Variants in SLC8A1 observed in about 807,000 individuals in gnomAD.
SLC8A1 encodes sodium/calcium exchanger 1.
Under a neutral mutation model 68.3 loss-of-function variants are expected in SLC8A1, and 18 were observed. That is an observed-to-expected ratio of 0.26 (90% confidence interval 0.18 to 0.39). The LOEUF (loss-of-function observed/expected upper bound fraction) is 0.39, where lower values mean the gene tolerates loss of function less well. Among genes scored for constraint, SLC8A1 ranks in the 10% least tolerant of loss-of-function variants. The pLI, the probability that SLC8A1 is intolerant of heterozygous loss-of-function variation, is 1.00. For missense variants in SLC8A1, 985 were observed against 1,156.7 expected, an observed-to-expected ratio of 0.85 and a Z score of 2.15; for synonymous variants, 475 against 415.5, an observed-to-expected ratio of 1.14 and a Z score of -1.74.
At chr2:40,297,984 GTTC>G (rs1434708381) in intron 2 of SLC8A1, among the ~76,000 whole-genome samples, 2 of 152,152 alleles carry the variant, frequency 1.3e-5, no homozygotes, top group Non-Finnish European at 2.9e-5. Flanking sequence ...CGTTCAAACC[GTTC>G]TTCTGCCTCA....
chr2:40,359,966 C>T (rs146362409), intron 2 of SLC8A1, among the ~76,000 whole-genome samples: 120 of 150,854 alleles, frequency 8.0e-4, no homozygotes, highest in African/African-American at 2.7e-3. Flanking sequence ...TAATGAGTAA[C>T]GGCTGTGCAA....
In SLC8A1 at chr2:40,344,182, C is replaced by A. The variant is rs78723760; in HGVS notation, c.1808+84291G>T. Among the ~76,000 whole-genome samples the A allele has an allele frequency of 3.3e-3, 508 of 152,276 alleles. 3 individuals are homozygous for A. Among genetic ancestry groups the A allele is most frequent in the African/African-American group, 0.012 (482 of 41,564 alleles). ...GGCATGGCATGAAAAACATATTCCA[C>A]TAGAACTATTTAAAATATCAAGATG... On this transcript the variant is annotated intron_variant, in intron 2 of 7. Transcript: ENST00000406785.
intron 2 of SLC8A1, among the ~76,000 whole-genome samples, chr2:40,370,464 T>A (rs1677663895): frequency 6.6e-6 from 1 of 152,104 alleles, no homozygotes; most frequent in African/African-American, 2.4e-5. Context: ...ACTTTCCTAG[T>A]GTTGTTTTAA....
intron 6 of SLC8A1, among the ~76,000 whole-genome samples, chr2:40,159,740 A>G (rs531082278): frequency 2.6e-5 from 4 of 152,178 alleles, no homozygotes; most frequent in Non-Finnish European, 4.4e-5. Context: ...TTCCCACTAT[A>G]TATTCAATTG....
intron 2 of SLC8A1, among the ~76,000 whole-genome samples, chr2:40,278,565 A>C (rs2067084340): frequency 6.6e-6 from 1 of 152,234 alleles, no homozygotes; most frequent in African/African-American, 2.4e-5. Flanking sequence ...CATATTATTC[A>C]TTCACATGTG....
At chr2:40,121,237 C>T (rs943562911) in intron 7 of SLC8A1, among the ~76,000 whole-genome samples, 3 of 152,130 alleles carry the variant, frequency 2.0e-5, no homozygotes, top group Non-Finnish European at 2.9e-5. Flanking sequence ...TTTTAACAAG[C>T]GGCCTAGGTT....
intron 2 of SLC8A1, among the ~76,000 whole-genome samples, chr2:40,360,303 A>C (rs1674210923): frequency 6.6e-6 from 1 of 152,140 alleles, no homozygotes; most frequent in Non-Finnish European, 1.5e-5. Context: ...TGCTTATCTA[A>C]ATTTGGGATC....
rs574300347 is a variant in SLC8A1, at chr2:40,374,457, G to C, written c.1808+54016C>G. Among the ~76,000 whole-genome samples, 90 of 152,050 alleles carry C rather than the reference G, an allele frequency of 5.9e-4. 1 individual carries two copies. Among genetic ancestry groups the C allele is most frequent in the South Asian group, 1.2e-3 (6 of 4,804 alleles). Reference sequence around the variant, plus strand: ...TATGGAAAGGACTTAAGGCTATTCAGGTGTGTGTGTATATATATATGTATG... The same window carrying C: ...TATGGAAAGGACTTAAGGCTATTCACGTGTGTGTGTATATATATATGTATG... On this transcript the variant is annotated intron_variant, in intron 2 of 7. Coordinates refer to ENST00000406785, the Ensembl canonical transcript of SLC8A1.
chr2:40,211,593 A>G (rs1348090605), intron 2 of SLC8A1, among the ~76,000 whole-genome samples: 1 of 152,232 alleles, frequency 6.6e-6, no homozygotes, highest in Non-Finnish European at 1.5e-5. Context: ...AGAATCCCTC[A>G]GGGACAATGA....
chr2:40,132,780 A>G (rs925218871), intron 7 of SLC8A1, among the ~76,000 whole-genome samples: 15 of 152,166 alleles, frequency 9.9e-5, no homozygotes, highest in African/African-American at 3.6e-4. Context: ...GGTTGAAAGG[A>G]GGCAAAATCA....
intron 4 of SLC8A1, among the ~76,000 whole-genome samples, chr2:40,170,029 A>AAACTC (rs1448811938): frequency 4.6e-5 from 7 of 152,218 alleles, no homozygotes; most frequent in Admixed American, 2.6e-4. Flanking sequence ...GAATACATTA[A>AAACTC]AACTCAGGAA....
At chr2:40,233,119 T>C (rs575028468) in intron 2 of SLC8A1, among the ~76,000 whole-genome samples, 52 of 152,274 alleles carry the variant, frequency 3.4e-4, no homozygotes, top group Admixed American at 1.2e-3. Flanking sequence ...TACCCAGTAA[T>C]GGGATGGCTG....
intron 4 of SLC8A1, among the ~76,000 whole-genome samples, chr2:40,172,489 C>G (rs1406666925): frequency 6.6e-6 from 1 of 151,988 alleles, no homozygotes; most frequent in Non-Finnish European, 1.5e-5. Flanking sequence ...ATTCTGTCAT[C>G]TTGGATGCCA....
At chr2:40,429,649 C>T (rs1471885596) in exon 2 of SLC8A1, 1 of 1,613,744 alleles carries the variant, frequency 6.2e-7, no homozygotes. Flanking sequence ...GGCAAAGATG[C>T]TCCAGGCTGC....
chr2:40,270,043 A>G (rs2065838497), intron 2 of SLC8A1, among the ~76,000 whole-genome samples: 1 of 152,170 alleles, frequency 6.6e-6, no homozygotes, highest in Non-Finnish European at 1.5e-5. Context: ...ACTGTACAAA[A>G]TTCTTACAAT....
intron 2 of SLC8A1, among the ~76,000 whole-genome samples, chr2:40,226,654 A>G (rs10490208): frequency 0.42 from 63,914 of 152,000 alleles, 15,907 homozygotes; most frequent in Non-Finnish European, 0.57. Context: ...ATTAAGACAG[A>G]CTTACATTTT....
chr2:40,428,175 G>C (rs1271668575), intron 2 of SLC8A1, among the ~76,000 whole-genome samples: 1 of 152,016 alleles, frequency 6.6e-6, no homozygotes, highest in Admixed American at 6.6e-5. Flanking sequence ...TAAGTCATCT[G>C]ATAAACTGTG....
chr2:40,475,141 ATTTAT>A (rs1028268479), intron 1 of SLC8A1, among the ~76,000 whole-genome samples: 1 of 148,598 alleles, frequency 6.7e-6, no homozygotes, highest in African/African-American at 2.6e-5. Context: ...TTATTTATTT[ATTTAT>A]TTTTTGAGAC....
At chr2:40,501,277 T>A in intron 1 of SLC8A1, among the ~76,000 whole-genome samples, 1 of 152,102 alleles carries the variant, frequency 6.6e-6, no homozygotes, top group East Asian at 1.9e-4. Context: ...TTGAGTTATA[T>A]ATCAAACACC....
Sources: gnomAD v4.1 joint callset for allele counts (sites outside exome capture counted in the v4.1 genomes callset) on GRCh38, gnomAD v4.1.1 for gene constraint, MANE v1.5 for transcripts, NCBI Gene and HGNC (gene_info 2026-07-23, HGNC 2026-07-21) for gene names.